ZNF69: variants seen among roughly 807,000 people sequenced by gnomAD.
The protein encoded by ZNF69 is ZNF3.
Under a neutral mutation model 50.9 loss-of-function variants are expected in ZNF69, and 47 were observed. The observed-to-expected ratio is 0.92, with a 90% confidence interval of 0.73 to 1.18. The LOEUF (loss-of-function observed/expected upper bound fraction) is 1.18. Ranked by LOEUF, ZNF69 falls within the 50% of genes most tolerant of loss-of-function variation. The pLI is 0.00. For synonymous variants in ZNF69, 216 were observed against 223.1 expected, an observed-to-expected ratio of 0.97 and a Z score of 0.29; for missense variants, 717 against 675.1, an observed-to-expected ratio of 1.06 and a Z score of -0.69.
intron 1 of ZNF69, among the ~76,000 whole-genome samples, chr19:11,897,432 C>T (rs566311922): frequency 3.3e-5 from 5 of 152,066 alleles, no homozygotes; most frequent in South Asian, 4.2e-4. Flanking sequence ...AAAATTACCT[C>T]GTCACTGTGA....
the ZNF69 span, chr19:11,965,089 C>A: frequency 3.0e-6 from 4 of 1,329,298 alleles, no homozygotes; most frequent in Non-Finnish European, 4.3e-6. Context: ...TCCGCTGTAT[C>A]CATCCCCGAG....
the ZNF69 span, among the ~76,000 whole-genome samples, chr19:11,964,711 G>A: frequency 6.6e-6 from 1 of 152,190 alleles, no homozygotes; most frequent in African/African-American, 2.4e-5. Flanking sequence ...TGGACACTGA[G>A]TCTGAAATTC....
At chr19:11,930,304 CA>C in the ZNF69 span, among the ~76,000 whole-genome samples, 4 of 148,276 alleles carry the variant, frequency 2.7e-5, no homozygotes, top group Non-Finnish European at 4.4e-5. Context: ...AGAAATATCC[CA>C]AAAGACAAGG....
At chr19:11,917,906 G>A (rs540782874), downstream of ZNF69, among the ~76,000 whole-genome samples, 4 of 150,042 alleles carry the variant, frequency 2.7e-5, no homozygotes, top group East Asian at 3.9e-4. Context: ...TCCTACCTCA[G>A]CCTCCTGAGT....
the ZNF69 span, chr19:11,979,693 C>T: frequency 2.5e-6 from 4 of 1,601,502 alleles, no homozygotes; most frequent in Admixed American, 1.7e-5. Flanking sequence ...CTGGGACTCA[C>T]CCTGAAGAGA....
the ZNF69 span, chr19:11,978,758 C>T: frequency 3.7e-6 from 6 of 1,614,062 alleles, no homozygotes; most frequent in East Asian, 1.3e-4. Flanking sequence ...AAAGAACCCA[C>T]ACTGGGGGAA....
chr19:11,914,959 T>C (rs1255034449), downstream of ZNF69, among the ~76,000 whole-genome samples: 7 of 151,712 alleles, frequency 4.6e-5, no homozygotes, highest in African/African-American at 1.5e-4. Context: ...ATCCCACCAC[T>C]TTGCTAGTCC....
the ZNF69 span, among the ~76,000 whole-genome samples, chr19:11,943,538 C>T: frequency 6.6e-6 from 1 of 152,042 alleles, no homozygotes; most frequent in Non-Finnish European, 1.5e-5. Context: ...TAGAAAAGAA[C>T]TAGTTTTTAA....
At chr19:11,926,729 A>G in the ZNF69 span, 27,161 of 154,224 alleles carry the variant, frequency 0.18, 5,137 homozygotes, top group African/African-American at 0.48. Context: ...TTTAGGGGTA[A>G]GCTTTTATAA....
the ZNF69 span, chr19:11,946,861 G>A: frequency 2.6e-5 from 7 of 268,928 alleles, no homozygotes; most frequent in South Asian, 6.0e-5. Flanking sequence ...TCACTCACGC[G>A]TGGTGGTACA....
chr19:11,947,156 C>T, the ZNF69 span: 1 of 1,610,310 alleles, frequency 6.2e-7, no homozygotes, highest in East Asian at 2.2e-5. Context: ...CACCCATCTT[C>T]CTCTACACAT....
At chr19:11,967,880 C>T in the ZNF69 span, among the ~76,000 whole-genome samples, 1 of 152,218 alleles carries the variant, frequency 6.6e-6, no homozygotes, top group Non-Finnish European at 1.5e-5. Context: ...CTGACAGCGT[C>T]ACAAAATTTA....
At chr19:11,889,021 G>A (rs1249849145) in intron 1 of ZNF69, among the ~76,000 whole-genome samples, 1 of 152,108 alleles carries the variant, frequency 6.6e-6, no homozygotes, top group African/African-American at 2.4e-5. Context: ...TGGAAGGGGG[G>A]TTAGAAGGCA....
the ZNF69 span, among the ~76,000 whole-genome samples, chr19:11,924,137 TAAAG>T: frequency 6.6e-6 from 1 of 151,946 alleles, no homozygotes; most frequent in Non-Finnish European, 1.5e-5. Context: ...TTTGTATAGA[TAAAG>T]AAAATGTGTG....
chr19:11,967,229 G>A, the ZNF69 span, among the ~76,000 whole-genome samples: 6 of 152,088 alleles, frequency 3.9e-5, no homozygotes, highest in East Asian at 1.2e-3. Flanking sequence ...GCAGGTACTT[G>A]GGAGGCTTAA....
the ZNF69 span, chr19:11,956,447 C>T: frequency 1.0e-5 from 4 of 396,308 alleles, no homozygotes; most frequent in African/African-American, 2.1e-5. Flanking sequence ...TATAATAAAC[C>T]GAGTTTGAGA....
the ZNF69 span, chr19:11,956,667 C>G: frequency 2.5e-6 from 1 of 396,526 alleles, no homozygotes. Context: ...ACCAACCTGG[C>G]CAAAATGGCG....
At chr19:11,924,447 A>AAAAG in the ZNF69 span, among the ~76,000 whole-genome samples, 6 of 151,708 alleles carry the variant, frequency 4.0e-5, no homozygotes, top group East Asian at 1.9e-4. Flanking sequence ...AAAAAAAAAA[A>AAAAG]AAAGAAAGAA....
chr19:11,947,153 C>T, the ZNF69 span: 2 of 1,608,452 alleles, frequency 1.2e-6, no homozygotes, highest in Non-Finnish European at 8.5e-7. Context: ...TCTCACCCAT[C>T]TTCCTCTACA....
Sources: gnomAD v4.1 joint callset for allele counts (sites outside exome capture counted in the v4.1 genomes callset) on GRCh38, gnomAD v4.1.1 for gene constraint, MANE v1.5 for transcripts, NCBI Gene and HGNC (gene_info 2026-07-23, HGNC 2026-07-21) for gene names.